CDH13: variants seen among roughly 807,000 people sequenced by gnomAD.
CDH13 encodes the protein cadherin 13, also known as cadherin-13.
In CDH13, 24 loss-of-function variants were observed where a neutral mutation model predicts 63.8. The observed-to-expected ratio is 0.38, with a 90% CI of 0.27 to 0.53. The LOEUF is 0.53. Ranked by LOEUF, CDH13 falls within the 20% of genes least tolerant of loss-of-function variation. The pLI, the probability that CDH13 is intolerant of heterozygous loss-of-function variation, is 0.85. For missense variants in CDH13, 1,049 were observed against 903.1 expected (o/e 1.16, Z -2.07); for synonymous variants, 503 against 355.3 (o/e 1.42, Z -4.67).
At chr16:82,990,788 C>T (rs1480263475) in intron 2 of CDH13, among the ~76,000 whole-genome samples, 1 of 152,062 alleles carries the variant, frequency 6.6e-6, no homozygotes, top group Admixed American at 6.6e-5. Flanking sequence ...TGAAGTGATC[C>T]ATCTTGGCCT....
At chr16:82,877,922 T>A (rs375445236) in intron 2 of CDH13, among the ~76,000 whole-genome samples, 1 of 43,000 alleles carries the variant, frequency 2.3e-5, no homozygotes, top group Non-Finnish European at 5.2e-5. Flanking sequence ...TACATACACA[T>A]AGACACACAC....
chr16:83,794,710 A>T (rs562624145), intron 13 of CDH13, among the ~76,000 whole-genome samples: 7 of 152,274 alleles, frequency 4.6e-5, no homozygotes, highest in Admixed American at 3.9e-4. Context: ...TGCTCATAAA[A>T]TAGCCAAGCT....
At chr16:83,710,587 G>T (rs1439212259) in intron 10 of CDH13, 2 of 151,896 alleles carry the variant, frequency 1.3e-5, no homozygotes, top group Non-Finnish European at 2.9e-5. Context: ...AGCTGAAGAA[G>T]GAGGACTCTG....
intron 7 of CDH13, among the ~76,000 whole-genome samples, chr16:83,516,254 A>G (rs1470173399): frequency 6.6e-6 from 1 of 152,236 alleles, no homozygotes; most frequent in Non-Finnish European, 1.5e-5. Flanking sequence ...GCAATTCAGC[A>G]CTGGAACCGT....
chr16:83,156,404 T>C (rs2037208327), intron 4 of CDH13, among the ~76,000 whole-genome samples: 1 of 152,190 alleles, frequency 6.6e-6, no homozygotes, highest in African/African-American at 2.4e-5. Flanking sequence ...AATCCTAGCA[T>C]TGTGCCATAT....
chr16:83,085,033 A>C (rs1274729379), intron 3 of CDH13, among the ~76,000 whole-genome samples: 3 of 152,096 alleles, frequency 2.0e-5, no homozygotes, highest in Non-Finnish European at 4.4e-5. Context: ...AGCATCCTTA[A>C]TTGTCTGGCT....
intron 1 of CDH13, chr16:82,719,530 C>T (rs1413896533): frequency 9.0e-6 from 4 of 442,238 alleles, no homozygotes; most frequent in Admixed American, 2.4e-5. Context: ...GGCTCCTTCC[C>T]CCTCTGTTTT....
intron 10 of CDH13, among the ~76,000 whole-genome samples, chr16:83,736,195 A>G (rs406844): frequency 0.78 from 118,237 of 152,058 alleles, 46,335 homozygotes; most frequent in Middle Eastern, 0.83. Context: ...CATGAAAGCT[A>G]TCTTGTGGTT....
chr16:82,652,528 C>A (rs1451048778), intron 1 of CDH13, among the ~76,000 whole-genome samples: 1 of 152,184 alleles, frequency 6.6e-6, no homozygotes, highest in Non-Finnish European at 1.5e-5. Context: ...ACAGCCCATA[C>A]TTAAGCTTCT....
chr16:82,631,733 A>G (rs554945884), intron 1 of CDH13, among the ~76,000 whole-genome samples: 2 of 152,314 alleles, frequency 1.3e-5, no homozygotes, highest in Non-Finnish European at 2.9e-5. Context: ...TTCTAGAGTT[A>G]GGGTGGAAAG....
chr16:82,942,669 TAAC>T (rs1229872750), intron 2 of CDH13, among the ~76,000 whole-genome samples: 2 of 152,102 alleles, frequency 1.3e-5, no homozygotes. Flanking sequence ...CTGGAATAGA[TAAC>T]AACAATAAAA....
chr16:83,410,048 T>C (rs1301587904), intron 6 of CDH13, among the ~76,000 whole-genome samples: 1 of 152,168 alleles, frequency 6.6e-6, no homozygotes, highest in Non-Finnish European at 1.5e-5. Context: ...GTGGGTGAAC[T>C]GGTGAAAAGG....
At chr16:83,044,859 A>G (rs4519324) in intron 3 of CDH13, among the ~76,000 whole-genome samples, 36,285 of 152,106 alleles carry the variant, frequency 0.24, 5,059 homozygotes, top group Non-Finnish European at 0.32. Flanking sequence ...TTTCACATAG[A>G]TGGAATATAG....
intron 6 of CDH13, among the ~76,000 whole-genome samples, chr16:83,378,159 C>G (rs541580861): frequency 6.6e-6 from 1 of 152,300 alleles, no homozygotes; most frequent in African/African-American, 2.4e-5. Flanking sequence ...CCAGCCTTTG[C>G]TCTATGGTAG....
At chr16:83,041,627 T>C (rs1917336809) in intron 3 of CDH13, among the ~76,000 whole-genome samples, 1 of 152,156 alleles carries the variant, frequency 6.6e-6, no homozygotes, top group African/African-American at 2.4e-5. Flanking sequence ...CTGGAGCTAA[T>C]TGCCCCCTGT....
intron 1 of CDH13, among the ~76,000 whole-genome samples, chr16:82,834,239 G>A (rs190004942): frequency 1.4e-4 from 21 of 152,280 alleles, no homozygotes; most frequent in African/African-American, 5.1e-4. Flanking sequence ...TCAACGCCTT[G>A]TGCATGAAAA....
At chr16:83,200,673 TAA>T (rs2039000335) in intron 4 of CDH13, among the ~76,000 whole-genome samples, 1 of 152,144 alleles carries the variant, frequency 6.6e-6, no homozygotes, top group Non-Finnish European at 1.5e-5. Context: ...GAGAGGAACT[TAA>T]ATCTACATAT....
chr16:83,570,667 C>G (rs1309612101), intron 7 of CDH13, among the ~76,000 whole-genome samples: 1 of 145,830 alleles, frequency 6.9e-6, no homozygotes, highest in South Asian at 2.1e-4. Context: ...TCTTTCTCAT[C>G]CTTTTATATA....
intron 7 of CDH13, among the ~76,000 whole-genome samples, chr16:83,601,647 G>A (rs1415276133): frequency 6.6e-6 from 1 of 152,162 alleles, no homozygotes; most frequent in Non-Finnish European, 1.5e-5. Context: ...TTTCTATAAA[G>A]TGAGGTAATG....
Sources: gnomAD v4.1 joint callset for allele counts (sites outside exome capture counted in the v4.1 genomes callset) on GRCh38, gnomAD v4.1.1 for gene constraint, MANE v1.5 for transcripts, NCBI Gene and HGNC (gene_info 2026-07-23, HGNC 2026-07-21) for gene names.